Variants in MORN4 observed in about 807,000 individuals in gnomAD.
MORN4 encodes MORN repeat containing 4.
MORN4 carries 8 observed loss-of-function variants against 16.4 expected under a neutral mutation model. The ratio of observed to expected loss-of-function variants is 0.49; its 90% confidence interval spans 0.29 to 0.88. The LOEUF (loss-of-function observed/expected upper bound fraction) is 0.88. Among genes scored for constraint, MORN4 ranks in the 40% least tolerant of loss-of-function variants. MORN4 has a pLI of 0.09. For missense variants in MORN4, 159 were observed against 182.9 expected, an observed-to-expected ratio of 0.87 and a Z score of 0.75; for synonymous variants, 53 against 68.9, an observed-to-expected ratio of 0.77 and a Z score of 1.14.
chr10:97,626,814 A>G (rs1047504639), intron 1 of MORN4, among the ~76,000 whole-genome samples: 1 of 143,616 alleles, frequency 7.0e-6, no homozygotes, highest in Non-Finnish European at 1.5e-5. Context: ...CTGGAGTGCA[A>G]TGGTGCAGTC....
At chr10:97,622,809 C>T (rs937659951) in intron 1 of MORN4, among the ~76,000 whole-genome samples, 7 of 151,436 alleles carry the variant, frequency 4.6e-5, no homozygotes, top group African/African-American at 1.5e-4. Context: ...AATACAAGCC[C>T]TATTTCTTTT....
At position 97,633,370 on chromosome 10, in the gene MORN4, C is replaced by G. The variant is rs561475422; in HGVS notation, c.-54G>C. On this transcript the variant is annotated 5_prime_UTR_variant, in exon 1 of 5. Transcript: ENST00000307450. This position sits in a 1 kb window ranked among gnomAD's most constrained non-coding sequence, Gnocchi z 4.5. Reference sequence around the variant, plus strand: ...ACCTGGGGCCGGCCTTTCGGGATGACCGTCACGCCTGGACGCAGGGTTCCA... The same window carrying G: ...ACCTGGGGCCGGCCTTTCGGGATGAGCGTCACGCCTGGACGCAGGGTTCCA... 60 of 1,289,892 alleles carry G rather than the reference C, an allele frequency of 4.7e-5. No homozygotes were observed. The African/African-American group carries it at 8.2e-4, about 18-fold the overall frequency. The allele number at this position is 1,289,892 out of a possible 1,614,324, so 79.9% of individuals were successfully genotyped here.
chr10:97,619,251 G>C (rs2041266769), intron 2 of MORN4, among the ~76,000 whole-genome samples: 1 of 152,124 alleles, frequency 6.6e-6, no homozygotes, highest in African/African-American at 2.4e-5. Context: ...CTTGAACCCA[G>C]GGGGCAGAGG....
At chr10:97,625,440 G>C (rs1243331354) in intron 1 of MORN4, among the ~76,000 whole-genome samples, 1 of 152,182 alleles carries the variant, frequency 6.6e-6, no homozygotes, top group Non-Finnish European at 1.5e-5. Context: ...GTGGGTGACA[G>C]AAAAGAAAAA....
At chr10:97,626,502 C>T (rs1451262386) in intron 1 of MORN4, among the ~76,000 whole-genome samples, 1 of 148,878 alleles carries the variant, frequency 6.7e-6, no homozygotes, top group Non-Finnish European at 1.5e-5. Context: ...GTGGCCCAGA[C>T]TGGAGTGCAG....
At chr10:97,627,913 C>T (rs1007885486) in intron 1 of MORN4, among the ~76,000 whole-genome samples, 1 of 152,198 alleles carries the variant, frequency 6.6e-6, no homozygotes, top group African/African-American at 2.4e-5. Flanking sequence ...CTCTTATCAC[C>T]AGCCCAGCAT....
upstream of MORN4, among the ~76,000 whole-genome samples, chr10:97,633,802 T>C (rs1320980636): frequency 6.6e-6 from 1 of 152,230 alleles, no homozygotes; most frequent in Non-Finnish European, 1.5e-5. The surrounding 1 kb of genome is among the most constrained non-coding windows in gnomAD (Gnocchi z 4.5). Flanking sequence ...TCCCCACTGC[T>C]GTCAAGGGCC....
Position 97,624,779 on chromosome 10 carries a change from C to T in MORN4, c.-30-5096G>A, listed in dbSNP as rs572071646. Among the ~76,000 whole-genome samples the T allele has an allele frequency of 9.1e-4, 139 of 152,154 alleles. 1 individual carries two copies. The highest frequency in any genetic ancestry group is 3.4e-3 in the Middle Eastern group (1 of 294). ...TCTTCCCCAGGCTGGAGTGCAATGG[C>T]GCGATCTTTGCTCACTCCAACCTCC... On this transcript the variant is annotated intron_variant, in intron 1 of 4. Coordinates refer to ENST00000307450, the MANE Select transcript of MORN4 (RefSeq NM_178832.4).
At chr10:97,626,540 C>T (rs2041349336) in intron 1 of MORN4, among the ~76,000 whole-genome samples, 1 of 150,750 alleles carries the variant, frequency 6.6e-6, no homozygotes, top group Non-Finnish European at 1.5e-5. Flanking sequence ...ACTGCAACCT[C>T]CACCTCCCGA....
In MORN4 at chr10:97,621,668, A is replaced by G. The variant is rs574916746; in HGVS notation, c.-30-1985T>C. 4.6e-5 allele frequency among the ~76,000 whole-genome samples: 7 copies of G among 152,222 alleles called. No homozygotes were observed. In the East Asian group the frequency reaches 1.4e-3, roughly 29 times the overall value. On this transcript the variant is annotated intron_variant, in intron 1 of 4. Transcript: ENST00000307450. ...GCGGAGTGGGTGGATCACCTGAACCAGAATGGCCAGCATGGAGAAATCCTG... is the reference window on the plus strand; with the variant it reads ...GCGGAGTGGGTGGATCACCTGAACCGGAATGGCCAGCATGGAGAAATCCTG...
chr10:97,630,819 C>G (rs1048648838), intron 1 of MORN4, among the ~76,000 whole-genome samples: 3 of 152,066 alleles, frequency 2.0e-5, no homozygotes, highest in African/African-American at 7.2e-5. Context: ...CCTAGTTTAA[C>G]AAAGTATAGT....
At chr10:97,626,230 A>G (rs2135740788) in intron 1 of MORN4, among the ~76,000 whole-genome samples, 1 of 151,910 alleles carries the variant, frequency 6.6e-6, no homozygotes, top group Admixed American at 6.6e-5. Context: ...CACAAAAATT[A>G]GCCAGGCGTG....
In MORN4 at chr10:97,633,299, C is replaced by G. The variant is rs762906461; in HGVS notation, c.-31+48G>C. The G allele has an allele frequency of 7.8e-7, 1 of 1,284,628 alleles. No homozygotes were observed. The highest frequency in any genetic ancestry group is 1.0e-6 in the Non-Finnish European group (1 of 986,338). 79.6% of individuals were successfully genotyped at this position (1,284,628 alleles called of 1,614,324 possible). A position where few individuals can be genotyped will look rare whatever the true frequency, so the allele number is the denominator to read the frequency against. On this transcript the variant is annotated intron_variant, in intron 1 of 4. Transcript: ENST00000307450. This position sits in a 1 kb window ranked among gnomAD's most constrained non-coding sequence, Gnocchi z 4.5. ...GCTCCGTTCCTCAGTGCCCACCTGA[C>G]CGATCACACTCTTTCCCGGCCCCCT...
chr10:97,621,544 C>T (rs899302561), intron 1 of MORN4, among the ~76,000 whole-genome samples: 4 of 152,144 alleles, frequency 2.6e-5, no homozygotes, highest in South Asian at 4.1e-4. Context: ...ATTCTCCCTC[C>T]GTTCATGACC....
At position 97,616,372 on chromosome 10, in the gene MORN4, C is replaced by A. The variant is rs141938522; in HGVS notation, c.332G>T (p.Arg111Leu). The A allele has an allele frequency of 5.0e-6, 8 of 1,611,272 alleles. No homozygotes were observed. The highest frequency in any genetic ancestry group is 2.2e-5 in the East Asian group (1 of 44,832). The change falls in exon 5 of 5, where the codon CGC becomes CTC. Residue 111 changes from arginine to leucine, a missense_variant. Coordinates refer to ENST00000307450, the MANE Select transcript of MORN4 (RefSeq NM_178832.4). ...TFPDGSHGIP[R>L]NEGLFENNKL... ...GTTGTTCTCAAAGAGACCTTCATTG[C>A]GGGGGATTCCATGAGAACCATCAGG...
intron 1 of MORN4, among the ~76,000 whole-genome samples, chr10:97,627,431 C>A (rs1223251391): frequency 5.9e-5 from 9 of 152,178 alleles, no homozygotes; most frequent in Admixed American, 5.9e-4. Flanking sequence ...GCGTGAGCTA[C>A]CGCGCCCAGC....
intron 3 of MORN4, 151 bp downstream of exon 3, chr10:97,617,057 A>C: frequency 1.5e-6 from 1 of 685,066 alleles, no homozygotes; most frequent in Middle Eastern, 2.6e-4. Context: ...GGTCCACTTA[A>C]AAAATAGCTA....
At position 97,616,264 on chromosome 10, in the gene MORN4, C is replaced by G; in HGVS notation, c.440G>C (p.Ter147SerextTer12). Residue 147 changes from the stop codon to serine, a stop_lost, in exon 5 of 5, where the codon TGA becomes TCA. Transcript: ENST00000307450. ...TATCAGCTGGTGCCCACTGCGCTGT[C>G]AGGCAGTGAGATTTCTGGCTGACTT... ...ASKSARNLTA[*>S] 6.3e-7 allele frequency: 1 copy of G among 1,594,450 alleles called. No homozygotes were observed. Among genetic ancestry groups the G allele is most frequent in the East Asian group, 2.2e-5 (1 of 44,628 alleles).
At chr10:97,619,164 A>C (rs2041266062) in intron 2 of MORN4, among the ~76,000 whole-genome samples, 1 of 152,056 alleles carries the variant, frequency 6.6e-6, no homozygotes, top group South Asian at 2.1e-4. Flanking sequence ...GTCTCTACTA[A>C]AAATACAAAA....
Sources: allele counts gnomAD v4.1 joint callset (sites outside exome capture counted in the v4.1 genomes callset), GRCh38; gene constraint gnomAD v4.1.1; non-coding constraint Gnocchi (gnomAD v3.1); transcripts MANE v1.5; gene names NCBI Gene and HGNC (gene_info 2026-07-23, HGNC 2026-07-21).